The following EFCAB5 variants were observed in gnomAD, a reference collection of about 807,000 sequenced individuals.
EFCAB5 encodes the protein EF-hand calcium binding domain 5.
In EFCAB5, 131 loss-of-function variants were observed where a neutral mutation model predicts 167.9. That is an observed-to-expected ratio of 0.78 (90% CI 0.68 to 0.90). EFCAB5 has a LOEUF of 0.90. Ranked by LOEUF, EFCAB5 falls within the 40% of genes least tolerant of loss-of-function variation. The pLI is 0.00. For synonymous variants in EFCAB5, 574 were observed against 602.8 expected (o/e 0.95, Z 0.70); for missense variants, 1,663 against 1,745.2 (o/e 0.95, Z 0.84).
chr17:30,049,273 A>AGACT (rs2070016574), intron 8 of EFCAB5, among the ~76,000 whole-genome samples: 1 of 152,140 alleles, frequency 6.6e-6, no homozygotes, highest in Non-Finnish European at 1.5e-5. Flanking sequence ...CGAGGTCAAG[A>AGACT]GACTGAGACT....
intron 1 of EFCAB5, chr17:29,930,215 C>G (rs1431048399): frequency 1.8e-6 from 1 of 557,326 alleles, no homozygotes; most frequent in Non-Finnish European, 3.2e-6. Context: ...GGTTCCGCAG[C>G]TGCGGGGCAC....
intron 14 of EFCAB5, among the ~76,000 whole-genome samples, 174 bp from the exon 15 acceptor site, chr17:30,078,041 C>T (rs1005985789): frequency 6.6e-6 from 1 of 152,156 alleles, no homozygotes; most frequent in African/African-American, 2.4e-5. Context: ...TTGAGTTCAA[C>T]ATAGAAATTC....
intron 3 of EFCAB5, among the ~76,000 whole-genome samples, chr17:29,948,519 C>T (rs2067448523): frequency 1.3e-5 from 2 of 152,072 alleles, no homozygotes; most frequent in South Asian, 4.1e-4. Flanking sequence ...CTAAATCCCT[C>T]ATTTGTGAAT....
At chr17:30,057,611 C>G in intron 12 of EFCAB5, 65 bp from the exon 13 acceptor site, 1 of 1,363,836 alleles carries the variant, frequency 7.3e-7, no homozygotes, top group Non-Finnish European at 1.0e-6. Flanking sequence ...AATAGGCACT[C>G]ATTTATTTTC....
chr17:29,972,022 T>G (rs527581887), intron 4 of EFCAB5, among the ~76,000 whole-genome samples: 1 of 152,032 alleles, frequency 6.6e-6, no homozygotes. Context: ...ACATTACCCC[T>G]TTAGTCTTTG....
In EFCAB5 at chr17:30,080,890, A is replaced by G; in HGVS notation, c.3335A>G (p.Tyr1112Cys). Residue 1112 changes from tyrosine (Y) to cysteine (C), a missense_variant, in exon 17 of 23, where the codon TAT (tyrosine) becomes TGT (cysteine). Coordinates refer to ENST00000394835, the MANE Select transcript of EFCAB5 (RefSeq NM_198529.4). ...CTGGCTCTGCCTCTTCAAGATGCAT[A>G]TATGAGGATCTTTGGGGTCTTGGCT... ...SFLALPLQDAYMRIFGVLAVD... is the reference protein window; with the variant it reads ...SFLALPLQDACMRIFGVLAVD... 2.5e-6 allele frequency: 4 copies of G among 1,613,894 alleles called. No homozygotes were observed. The highest frequency in any genetic ancestry group is 1.1e-5 in the South Asian group (1 of 91,082).
intron 14 of EFCAB5, among the ~76,000 whole-genome samples, chr17:30,072,328 AACAT>A (rs2070759640): frequency 6.6e-6 from 1 of 152,214 alleles, no homozygotes; most frequent in Non-Finnish European, 1.5e-5. Flanking sequence ...GAAGTAATAA[AACAT>A]TTATTTTGAA....
At chr17:30,020,564 A>G (rs959292938) in intron 7 of EFCAB5, among the ~76,000 whole-genome samples, 1 of 152,010 alleles carries the variant, frequency 6.6e-6, no homozygotes, top group Non-Finnish European at 1.5e-5. Flanking sequence ...CAAGTTGGCC[A>G]GGCTGGTCTC....
At chr17:29,942,883 C>G (rs549286177) in intron 2 of EFCAB5, among the ~76,000 whole-genome samples, 2 of 151,990 alleles carry the variant, frequency 1.3e-5, no homozygotes, top group Non-Finnish European at 2.9e-5. Context: ...ACTAATAATA[C>G]AAAAATTATC....
chr17:30,038,426 A>G lies in EFCAB5; in HGVS notation c.1200+4041A>G, dbSNP rs1469074329. On this transcript the variant is annotated intron_variant, in intron 8 of 22. Transcript: ENST00000394835. ...CTGTGGAGACCTACTGCTCAGAAAA[A>G]AAGATTCCTTTCAAAATATTACTGT... Among the ~76,000 whole-genome samples, 4 of 152,350 alleles carry G rather than the reference A, an allele frequency of 2.6e-5. No individual in the cohort carries two copies. The East Asian group carries it at 7.7e-4, about 29-fold the overall frequency.
chr17:30,000,110 A>C, intron 7 of EFCAB5, 134 bp downstream of exon 7: 1 of 600,322 alleles, frequency 1.7e-6, no homozygotes. Flanking sequence ...TAAAATATGT[A>C]CTTTAAAATA....
chr17:30,047,026 A>G (rs910962473), intron 8 of EFCAB5, among the ~76,000 whole-genome samples: 2 of 152,208 alleles, frequency 1.3e-5, no homozygotes, highest in African/African-American at 2.4e-5. Flanking sequence ...ACTAAGAAGG[A>G]TAGATATAAC....
At chr17:29,966,494 G>A (rs144321238) in intron 3 of EFCAB5, among the ~76,000 whole-genome samples, 238 of 152,162 alleles carry the variant, frequency 1.6e-3, no homozygotes, top group African/African-American at 5.2e-3. Context: ...ACAAAAATTC[G>A]CTGGGCATGG....
Position 30,053,815 on chromosome 17 carries a change from G to T in EFCAB5, c.1861G>T (p.Gly621Trp). 6.2e-7 allele frequency: 1 copy of T among 1,613,940 alleles called. No homozygotes were observed. Among genetic ancestry groups the T allele is most frequent in the Non-Finnish European group, 8.5e-7 (1 of 1,179,872 alleles). The change falls in exon 10 of 23, where the codon GGG (glycine) becomes TGG (tryptophan). Residue 621 changes from glycine (G) to tryptophan (W), a missense_variant. Physicochemically the swap from Gly to Trp is radical, Grantham distance 184. Coordinates refer to ENST00000394835, the MANE Select transcript of EFCAB5 (RefSeq NM_198529.4). ...ESIAEQDRHKGSVAEQGSRRM... is the reference protein window; with the variant it reads ...ESIAEQDRHKWSVAEQGSRRM... Reference sequence around the variant, plus strand: ...TATTGCAGAACAAGATCGACACAAAGGGTCAGTAGCAGAACAAGGATCACG... The same window carrying T: ...TATTGCAGAACAAGATCGACACAAATGGTCAGTAGCAGAACAAGGATCACG...
intron 3 of EFCAB5, among the ~76,000 whole-genome samples, chr17:29,954,677 G>T (rs1567675806): frequency 6.6e-6 from 1 of 152,226 alleles, no homozygotes; most frequent in Non-Finnish European, 1.5e-5. Flanking sequence ...AGTCCCTGCT[G>T]GGGCACCACC....
intron 8 of EFCAB5, among the ~76,000 whole-genome samples, chr17:30,043,628 C>T (rs1342965685): frequency 6.6e-6 from 1 of 152,184 alleles, no homozygotes; most frequent in Non-Finnish European, 1.5e-5. Context: ...TTTACAATAA[C>T]ATCACACACG....
At chr17:29,933,464 T>C (rs2067219594) in intron 1 of EFCAB5, among the ~76,000 whole-genome samples, 1 of 152,210 alleles carries the variant, frequency 6.6e-6, no homozygotes, top group Non-Finnish European at 1.5e-5. Flanking sequence ...AGGAGATATC[T>C]TCTAATAGAG....
intron 14 of EFCAB5, chr17:30,069,115 A>G: frequency 6.6e-7 from 1 of 1,506,998 alleles, no homozygotes. Flanking sequence ...AGTGGTGGAT[A>G]AGAAAAGAAT....
At chr17:30,054,187 T>C in intron 10 of EFCAB5, 39 bp downstream of exon 10, 1 of 1,475,702 alleles carries the variant, frequency 6.8e-7, no homozygotes, top group Non-Finnish European at 9.0e-7. Context: ...GTTCCCTGTT[T>C]TGTGGAATGG....
Sources: gnomAD v4.1 joint callset for allele counts (sites outside exome capture counted in the v4.1 genomes callset) on GRCh38, gnomAD v4.1.1 for gene constraint, MANE v1.5 for transcripts, NCBI Gene and HGNC (gene_info 2026-07-23, HGNC 2026-07-21) for gene names.